The following TAF2 variants were observed in gnomAD, a reference collection of about 807,000 sequenced individuals.
TAF2 encodes transcription initiation factor TFIID subunit 2.
TAF2 carries 61 observed loss-of-function variants against 138.5 expected under a neutral mutation model. That is an observed-to-expected ratio of 0.44 (90% confidence interval 0.36 to 0.54). The LOEUF (loss-of-function observed/expected upper bound fraction) is 0.54, where lower values mean the gene tolerates loss of function less well. Ranked by LOEUF, TAF2 falls within the 20% of genes least tolerant of loss-of-function variation. TAF2 has a pLI of 0.00. For synonymous variants in TAF2, 475 were observed against 469.9 expected, an observed-to-expected ratio of 1.01 and a Z score of -0.14; for missense variants, 1,090 against 1,427.9, an observed-to-expected ratio of 0.76 and a Z score of 3.81.
At chr8:119,786,147 T>C (rs2131151104) in intron 14 of TAF2, among the ~76,000 whole-genome samples, 1 of 152,272 alleles carries the variant, frequency 6.6e-6, no homozygotes, top group East Asian at 1.9e-4. Context: ...TGTTCTCATC[T>C]CTCACTGTTC....
At chr8:119,808,615 G>C (rs1213224459) in intron 3 of TAF2, among the ~76,000 whole-genome samples, 1 of 152,098 alleles carries the variant, frequency 6.6e-6, no homozygotes, top group Non-Finnish European at 1.5e-5. Flanking sequence ...GGCAACTATC[G>C]CCTTATGAAA....
intron 6 of TAF2, among the ~76,000 whole-genome samples, chr8:119,801,435 CT>C (rs112527778): frequency 0.19 from 27,160 of 139,430 alleles, 2,636 homozygotes; most frequent in South Asian, 0.31. Flanking sequence ...TAATATCTAC[CT>C]TTTTTTTTTT....
chr8:119,768,941 C>T (rs1341974779), intron 18 of TAF2, among the ~76,000 whole-genome samples: 1 of 152,162 alleles, frequency 6.6e-6, no homozygotes, highest in Non-Finnish European at 1.5e-5. Flanking sequence ...TGTGCATCTG[C>T]ATGGAGAGTT....
chr8:119,775,541 A>T (rs1243321786), intron 18 of TAF2, among the ~76,000 whole-genome samples: 1 of 151,882 alleles, frequency 6.6e-6, no homozygotes, highest in Non-Finnish European at 1.5e-5. Flanking sequence ...CGTCTCTACT[A>T]AAAGTACAAC....
In TAF2 at chr8:119,731,214, A is replaced by G. The variant is rs1818860209; in HGVS notation, c.*710T>C. On this transcript the variant is annotated 3_prime_UTR_variant, in exon 26 of 26. Transcript: ENST00000378164. ...ACAAAACAAAAAAACTTATAATTTAAACATCTTGATTTGAAAATAATTTTG... is the reference window on the plus strand; with the variant it reads ...ACAAAACAAAAAAACTTATAATTTAGACATCTTGATTTGAAAATAATTTTG... 6.6e-6 allele frequency: 1 copy of G among 152,238 alleles called. No individual in the cohort carries two copies. The highest frequency in any genetic ancestry group is 6.5e-5 in the Admixed American group (1 of 15,278). The allele number at this position is 152,238 out of a possible 1,614,324, so 9.4% of individuals were successfully genotyped here. A position where few individuals can be genotyped will look rare whatever the true frequency, so the allele number is the denominator to read the frequency against.
chr8:119,767,856 C>A (rs1821545169), intron 18 of TAF2, among the ~76,000 whole-genome samples: 1 of 152,188 alleles, frequency 6.6e-6, no homozygotes, highest in Non-Finnish European at 1.5e-5. Flanking sequence ...GAGAGCCCAG[C>A]CCCAAGAAGC....
rs1004862034 is a variant in TAF2, at chr8:119,808,548, T to A, written c.300-2147A>T. 5.3e-5 allele frequency among the ~76,000 whole-genome samples: 8 copies of A among 152,222 alleles called. No individual in the cohort carries two copies. The East Asian group carries it at 1.5e-3, about 29-fold the overall frequency. On this transcript the variant is annotated intron_variant, in intron 3 of 25. Coordinates refer to ENST00000378164, the MANE Select transcript of TAF2 (RefSeq NM_003184.4). The stretch of plus-strand genomic sequence containing the variant: ...CCTTAATGGCATCCAGAATGGTGAA[T>A]CCTTTTCAGGGTTTCAACTGACTTT...
rs548139913 is a variant in TAF2 at position 119,797,742 on chromosome 8, G to A, written c.897C>T (p.Tyr299=). Residue 299 remains tyrosine, a synonymous_variant, in exon 7 of 26, where the codon TAC becomes TAT. Transcript: ENST00000378164. The part of the protein sequence containing the change: ...EFYEEILTCR[Y]PYSCFKTVFI... ...AGACAGTCTTAAAACAGGAGTATGG[G>A]TAACGACATGTAAGAATTTCTTCAT... The A allele has an allele frequency of 3.5e-5, 57 of 1,613,508 alleles. No homozygotes were observed. The South Asian group carries it at 5.9e-4, about 17-fold the overall frequency.
intron 18 of TAF2, among the ~76,000 whole-genome samples, chr8:119,769,295 T>C (rs945234358): frequency 1.3e-5 from 2 of 152,010 alleles, no homozygotes; most frequent in Non-Finnish European, 2.9e-5. Context: ...AGTTGCACCC[T>C]CAAGGTGGGA....
intron 6 of TAF2, among the ~76,000 whole-genome samples, chr8:119,801,055 TTCTAACTCTG>T (rs1166357467): frequency 2.0e-5 from 3 of 152,214 alleles, no homozygotes; most frequent in African/African-American, 7.2e-5. Context: ...CTAACCAGGT[TTCTAACTCTG>T]TCTGTTTTCC....
chr8:119,828,841 G>A (rs1318570190), intron 2 of TAF2, among the ~76,000 whole-genome samples: 1 of 152,324 alleles, frequency 6.6e-6, no homozygotes, highest in Non-Finnish European at 1.5e-5. Flanking sequence ...GTCTCTTAAA[G>A]GGCCAGATAG....
intron 20 of TAF2, 196 bp downstream of exon 20, chr8:119,760,403 A>G (rs1586346952): frequency 1.6e-6 from 1 of 613,846 alleles, no homozygotes; most frequent in East Asian, 3.1e-5. Flanking sequence ...GATACCTATA[A>G]TTTTATTCCT....
At chr8:119,754,377 T>C (rs907594589) in intron 22 of TAF2, among the ~76,000 whole-genome samples, 15 of 152,174 alleles carry the variant, frequency 9.9e-5, no homozygotes, top group Non-Finnish European at 1.5e-4. Context: ...TAAAGTGACA[T>C]ACTCAAACCT....
intron 15 of TAF2, 30 bp downstream of exon 15, chr8:119,785,171 A>C (rs372061761): frequency 1.7e-4 from 273 of 1,565,742 alleles, no homozygotes; most frequent in Non-Finnish European, 2.3e-4. Flanking sequence ...AGAAAGTATT[A>C]TAACCTTATA....
At chr8:119,767,562 G>A (rs952723856) in intron 18 of TAF2, among the ~76,000 whole-genome samples, 1 of 152,230 alleles carries the variant, frequency 6.6e-6, no homozygotes, top group African/African-American at 2.4e-5. Flanking sequence ...AGACTGTAGA[G>A]ACGCTGCTGG....
At position 119,746,977 on chromosome 8, in the gene TAF2, A is replaced by G. The variant is rs541604648; in HGVS notation, c.2879-43T>C. 27 of 1,587,956 alleles carry G rather than the reference A, an allele frequency of 1.7e-5. No individual in the cohort carries two copies. The South Asian group carries it at 2.9e-4, about 17-fold the overall frequency. On this transcript the variant is annotated intron_variant, in intron 22 of 25. Transcript: ENST00000378164. ...AAGAAATGAGTCAATATGCACATTG[A>G]TTCATACATTTTAACTGTCCCAGAA...
At chr8:119,773,081 T>C (rs1372362380) in intron 18 of TAF2, among the ~76,000 whole-genome samples, 1 of 131,552 alleles carries the variant, frequency 7.6e-6, no homozygotes, top group African/African-American at 3.0e-5. Context: ...AAAAGCAAGC[T>C]TGGATTTTCT....
intron 3 of TAF2, among the ~76,000 whole-genome samples, 180 bp downstream of exon 3, chr8:119,819,166 T>C (rs567513774): frequency 3.9e-5 from 6 of 152,148 alleles, no homozygotes; most frequent in Admixed American, 1.3e-4. Context: ...AGTAACTACG[T>C]TGGGCACAGC....
chr8:119,828,034 C>T (rs965263820), intron 2 of TAF2, among the ~76,000 whole-genome samples: 3 of 152,002 alleles, frequency 2.0e-5, no homozygotes, highest in East Asian at 3.9e-4. Flanking sequence ...TGAGCCACTG[C>T]GCCTGGCCAA....
Sources: allele counts gnomAD v4.1 joint callset (sites outside exome capture counted in the v4.1 genomes callset), GRCh38; gene constraint gnomAD v4.1.1; transcripts MANE v1.5; gene names NCBI Gene and HGNC (gene_info 2026-07-23, HGNC 2026-07-21).